The following MACROD2 variants were observed in gnomAD, a reference collection of about 807,000 sequenced individuals.
The protein encoded by MACROD2 is ADP-ribose glycohydrolase MACROD2.
Under a neutral mutation model 70.4 loss-of-function variants are expected in MACROD2, and 36 were observed. That is an observed-to-expected ratio of 0.51 (90% CI 0.39 to 0.68). The LOEUF (loss-of-function observed/expected upper bound fraction) is 0.68. MACROD2 is among the 30% of genes least tolerant of loss of function. The pLI is 0.00. For synonymous variants in MACROD2, 172 were observed against 178.8 expected (o/e 0.96, Z 0.30); for missense variants, 496 against 538.4 (o/e 0.92, Z 0.78).
At chr20:14,837,333 T>G (rs1013901550) in intron 5 of MACROD2, among the ~76,000 whole-genome samples, 2 of 151,922 alleles carry the variant, frequency 1.3e-5, no homozygotes, top group African/African-American at 4.8e-5. Flanking sequence ...TAAAAAAAAA[T>G]CTTGTTGCAG....
At chr20:14,569,872 A>G (rs978980037) in intron 4 of MACROD2, among the ~76,000 whole-genome samples, 1 of 152,016 alleles carries the variant, frequency 6.6e-6, no homozygotes, top group Non-Finnish European at 1.5e-5. Context: ...AAGAATAGTT[A>G]AAATGAAAAA....
At chr20:14,111,143 T>G (rs760091078) in intron 3 of MACROD2, among the ~76,000 whole-genome samples, 1 of 151,896 alleles carries the variant, frequency 6.6e-6, no homozygotes. Flanking sequence ...CTTCAAAAAT[T>G]GATGCTGGGA....
At position 15,543,346 on chromosome 20, in the gene MACROD2, T is replaced by C. The variant is rs116642049; in HGVS notation, c.645+43499T>C. On this transcript the variant is annotated intron_variant, in intron 8 of 17. Coordinates refer to ENST00000684519, the MANE Select transcript of MACROD2 (RefSeq NM_001351661.2). Reference sequence around the variant, plus strand: ...ATTATAGTGAATATTAAGGATACAGTTGTATACTGCAAAAGGCTTTTGATA... The same window carrying C: ...ATTATAGTGAATATTAAGGATACAGCTGTATACTGCAAAAGGCTTTTGATA... Among the ~76,000 whole-genome samples, 1,398 of 152,270 alleles carry C rather than the reference T, an allele frequency of 9.2e-3. 15 individuals carry two copies. Among genetic ancestry groups the C allele is most frequent in the African/African-American group, 0.032 (1,337 of 41,548 alleles).
chr20:14,834,176 A>T (rs894254667), intron 5 of MACROD2, among the ~76,000 whole-genome samples: 1 of 151,938 alleles, frequency 6.6e-6, no homozygotes, highest in Non-Finnish European at 1.5e-5. Flanking sequence ...TTAGGAATAA[A>T]GGCCAAAATT....
chr20:15,127,634 T>G (rs2076076521), intron 5 of MACROD2, among the ~76,000 whole-genome samples: 1 of 152,082 alleles, frequency 6.6e-6, no homozygotes, highest in African/African-American at 2.4e-5. Flanking sequence ...GTCCTCTAAG[T>G]GAGGCTGCTC....
In MACROD2 at chr20:14,321,980, GT is replaced by G. The variant is rs543886510; in HGVS notation, c.272-171490del. ...CCTCTAGTTTTTTGTAGCTTTCCCA[GT>G]TTTTTTTTGTTGTTGTTTTTGTTAA... is the stretch of plus-strand genomic sequence containing the variant. On this transcript the variant is annotated intron_variant, in intron 3 of 17. Coordinates refer to ENST00000684519, the MANE Select transcript of MACROD2 (RefSeq NM_001351661.2). Among the ~76,000 whole-genome samples, 13 of 149,114 alleles carry G rather than the reference GT, an allele frequency of 8.7e-5. No homozygotes were observed. In the East Asian group the frequency reaches 1.8e-3, roughly 20 times the overall value.
intron 5 of MACROD2, among the ~76,000 whole-genome samples, chr20:14,875,144 A>T (rs906254673): frequency 3.9e-5 from 6 of 151,908 alleles, no homozygotes; most frequent in African/African-American, 1.2e-4. Flanking sequence ...GCACTTTGGG[A>T]GGCTGAGGTG....
At chr20:15,240,908 T>C (rs941530440) in intron 6 of MACROD2, among the ~76,000 whole-genome samples, 1 of 152,146 alleles carries the variant, frequency 6.6e-6, no homozygotes, top group African/African-American at 2.4e-5. Context: ...GGGAACAGAA[T>C]TGTCCAGAAC....
At chr20:14,039,980 G>A (rs1297442984) in intron 2 of MACROD2, among the ~76,000 whole-genome samples, 1 of 152,130 alleles carries the variant, frequency 6.6e-6, no homozygotes, top group Non-Finnish European at 1.5e-5. Context: ...TATCCAGATG[G>A]AAATTGTGGC....
At chr20:15,237,116 T>G (rs1035426637) in intron 6 of MACROD2, among the ~76,000 whole-genome samples, 2 of 152,212 alleles carry the variant, frequency 1.3e-5, no homozygotes, top group Non-Finnish European at 2.9e-5. Context: ...ACACAATGTT[T>G]TAACGTTTTG....
intron 4 of MACROD2, among the ~76,000 whole-genome samples, chr20:14,541,846 T>G (rs1019805603): frequency 6.6e-6 from 1 of 152,198 alleles, no homozygotes; most frequent in African/African-American, 2.4e-5. Flanking sequence ...TATTGATTAA[T>G]AGATCCTTTA....
At chr20:15,575,488 C>A (rs1243775548) in intron 8 of MACROD2, among the ~76,000 whole-genome samples, 6 of 152,128 alleles carry the variant, frequency 3.9e-5, no homozygotes, top group Non-Finnish European at 7.4e-5. Flanking sequence ...AGCCAGAGAT[C>A]TTACTGAGAG....
chr20:14,176,944 T>A (rs1406724923), intron 3 of MACROD2, among the ~76,000 whole-genome samples: 1 of 152,180 alleles, frequency 6.6e-6, no homozygotes, highest in Non-Finnish European at 1.5e-5. Flanking sequence ...GAAACAAAGA[T>A]CAAATCCTTA....
chr20:14,876,373 T>A (rs1375245007), intron 5 of MACROD2, among the ~76,000 whole-genome samples: 4 of 152,216 alleles, frequency 2.6e-5, no homozygotes, highest in Non-Finnish European at 5.9e-5. Flanking sequence ...ATTAAGTTTT[T>A]GTTTAATGCA....
chr20:16,021,045 T>C (rs1424293189), intron 15 of MACROD2, among the ~76,000 whole-genome samples: 2 of 152,028 alleles, frequency 1.3e-5, no homozygotes, highest in African/African-American at 4.8e-5. Context: ...ACTGAATCAG[T>C]CCCCTGTTCC....
intron 4 of MACROD2, among the ~76,000 whole-genome samples, chr20:14,511,403 TAAGTACCCAC>T (rs2085028511): frequency 6.6e-6 from 1 of 152,018 alleles, no homozygotes; most frequent in Admixed American, 6.6e-5. Flanking sequence ...ATACACCTAC[TAAGTACCCAC>T]AAGCATTAAA....
intron 5 of MACROD2, among the ~76,000 whole-genome samples, chr20:15,115,052 C>T (rs2075982305): frequency 6.6e-6 from 1 of 152,178 alleles, no homozygotes; most frequent in Non-Finnish European, 1.5e-5. Flanking sequence ...TATTCCCTAA[C>T]TTCCTTTTTT....
Position 14,045,296 on chromosome 20 carries a change from C to T in MACROD2, c.164-40325C>T, listed in dbSNP as rs143731624. ...AGAGTGGGCACCAACGTCGAGGAGG[C>T]GCCGAGAGCAAGCGAGGGCTGCCAG... is the stretch of plus-strand genomic sequence containing the variant. On this transcript the variant is annotated intron_variant, in intron 2 of 17. Transcript: ENST00000684519. 3.3e-3 allele frequency among the ~76,000 whole-genome samples: 502 copies of T among 152,362 alleles called. 4 individuals are homozygous for T. The highest frequency in any genetic ancestry group is 0.014 in the Middle Eastern group (4 of 294).
intron 8 of MACROD2, among the ~76,000 whole-genome samples, chr20:15,508,229 C>T (rs1323614545): frequency 6.6e-6 from 1 of 151,452 alleles, no homozygotes; most frequent in Non-Finnish European, 1.5e-5. Context: ...CATTATGCCC[C>T]ACTGTATCTA....
Sources: gnomAD v4.1 joint callset for allele counts (sites outside exome capture counted in the v4.1 genomes callset) on GRCh38, gnomAD v4.1.1 for gene constraint, MANE v1.5 for transcripts, NCBI Gene and HGNC (gene_info 2026-07-23, HGNC 2026-07-21) for gene names.